Variants in TMEM132D observed in about 807,000 individuals in gnomAD.
TMEM132D encodes the protein mature OL transmembrane protein.
In TMEM132D, 21 loss-of-function variants were observed where a neutral mutation model predicts 62.3. That is an observed-to-expected ratio of 0.34 (90% CI 0.24 to 0.49). The LOEUF (loss-of-function observed/expected upper bound fraction) is 0.49. Ranked by LOEUF, TMEM132D falls within the 20% of genes least tolerant of loss-of-function variation. TMEM132D has a pLI of 0.99. For missense variants in TMEM132D, 1,346 were observed against 1,402.8 expected (o/e 0.96, Z 0.65); for synonymous variants, 621 against 575.6 (o/e 1.08, Z -1.13).
At chr12:129,750,358 T>G (rs927486754) in intron 1 of TMEM132D, among the ~76,000 whole-genome samples, 5 of 152,184 alleles carry the variant, frequency 3.3e-5, no homozygotes, top group African/African-American at 4.8e-5. Context: ...GTGCTGGGAT[T>G]ACAGGCGTGA....
intron 5 of TMEM132D, among the ~76,000 whole-genome samples, chr12:129,157,235 A>C (rs1473180285): frequency 6.6e-6 from 1 of 152,266 alleles, no homozygotes; most frequent in Non-Finnish European, 1.5e-5. Flanking sequence ...TAATGGCATT[A>C]GTCCACTTGT....
At chr12:129,836,993 A>T (rs1566003046) in intron 1 of TMEM132D, among the ~76,000 whole-genome samples, 1 of 152,186 alleles carries the variant, frequency 6.6e-6, no homozygotes. Flanking sequence ...ATGAAAAAGA[A>T]ATCTATTCTT....
chr12:129,322,495 A>G (rs1868754272), intron 4 of TMEM132D, among the ~76,000 whole-genome samples: 1 of 152,038 alleles, frequency 6.6e-6, no homozygotes, highest in Non-Finnish European at 1.5e-5. Flanking sequence ...CCAGACACTT[A>G]ATAAAGAAGA....
chr12:129,812,283 G>C (rs954762884), intron 1 of TMEM132D, among the ~76,000 whole-genome samples: 19 of 151,508 alleles, frequency 1.3e-4, no homozygotes, highest in African/African-American at 4.6e-4. Flanking sequence ...TCTGACAGTG[G>C]TGTTTTCACC....
chr12:129,755,322 C>A (rs1413801198), intron 1 of TMEM132D, among the ~76,000 whole-genome samples: 2 of 152,222 alleles, frequency 1.3e-5, no homozygotes, highest in Non-Finnish European at 2.9e-5. Context: ...GAATAAGGTG[C>A]ATAAAATCTT....
At chr12:129,420,320 T>G (rs1180572360) in intron 3 of TMEM132D, among the ~76,000 whole-genome samples, 1 of 147,264 alleles carries the variant, frequency 6.8e-6, no homozygotes, top group East Asian at 2.1e-4. Flanking sequence ...TTTTTTTTTT[T>G]TTTTTTTTTT....
intron 1 of TMEM132D, among the ~76,000 whole-genome samples, chr12:129,817,200 C>G (rs1457932617): frequency 6.6e-6 from 1 of 152,176 alleles, no homozygotes; most frequent in Non-Finnish European, 1.5e-5. Flanking sequence ...TTAATATATG[C>G]AAGCATTCAT....
chr12:129,166,038 G>A (rs1877536629), intron 5 of TMEM132D, among the ~76,000 whole-genome samples: 1 of 152,160 alleles, frequency 6.6e-6, no homozygotes, highest in African/African-American at 2.4e-5. Flanking sequence ...TGTTTTGTGG[G>A]TGATGAAAGT....
chr12:129,660,364 C>T lies in TMEM132D; in HGVS notation c.968+39446G>A, dbSNP rs547986160. On this transcript the variant is annotated intron_variant, in intron 2 of 8. Coordinates refer to ENST00000422113, the MANE Select transcript of TMEM132D (RefSeq NM_133448.3). Reference sequence around the variant, plus strand: ...ATGATGCAGCGTTCTTACCATCACCCCTAACACAGCCTCTTCCTTTCTCCT... The same window carrying T: ...ATGATGCAGCGTTCTTACCATCACCTCTAACACAGCCTCTTCCTTTCTCCT... Among the ~76,000 whole-genome samples the T allele has an allele frequency of 5.9e-5, 9 of 152,152 alleles. No homozygotes were observed. In the South Asian group the frequency reaches 1.7e-3, roughly 28 times the overall value.
At chr12:129,506,607 G>T (rs1409187858) in intron 3 of TMEM132D, among the ~76,000 whole-genome samples, 2 of 152,152 alleles carry the variant, frequency 1.3e-5, no homozygotes, top group African/African-American at 4.8e-5. Flanking sequence ...ATAAAGTGGG[G>T]AAAGGATACC....
intron 3 of TMEM132D, among the ~76,000 whole-genome samples, chr12:129,467,731 C>A (rs1009147477): frequency 1.3e-5 from 2 of 152,140 alleles, no homozygotes; most frequent in East Asian, 3.9e-4. Context: ...GCAGAATGAC[C>A]TGTTCTGTGC....
intron 2 of TMEM132D, among the ~76,000 whole-genome samples, chr12:129,585,309 G>C (rs1242211486): frequency 6.6e-6 from 1 of 152,174 alleles, no homozygotes; most frequent in Non-Finnish European, 1.5e-5. Flanking sequence ...ATTCTACATA[G>C]CAGGGATGAG....
At chr12:129,347,541 C>A (rs1321217532) in intron 3 of TMEM132D, among the ~76,000 whole-genome samples, 1 of 152,124 alleles carries the variant, frequency 6.6e-6, no homozygotes, top group African/African-American at 2.4e-5. Context: ...TTCCTTTATA[C>A]CTTATACAAA....
At chr12:129,220,622 C>T (rs1425192421) in intron 4 of TMEM132D, among the ~76,000 whole-genome samples, 1 of 152,124 alleles carries the variant, frequency 6.6e-6, no homozygotes, top group African/African-American at 2.4e-5. Context: ...TCATGTTCTG[C>T]TAAGTCTATT....
intron 4 of TMEM132D, among the ~76,000 whole-genome samples, chr12:129,311,384 T>C (rs1172694387): frequency 6.6e-6 from 1 of 152,164 alleles, no homozygotes; most frequent in Non-Finnish European, 1.5e-5. Context: ...TAAGGACATA[T>C]TACCTATGAA....
At chr12:129,226,146 G>T (rs571798468) in intron 4 of TMEM132D, among the ~76,000 whole-genome samples, 1 of 152,324 alleles carries the variant, frequency 6.6e-6, no homozygotes, top group East Asian at 1.9e-4. Context: ...CTTCTTTCTG[G>T]AATGGGACTT....
intron 2 of TMEM132D, among the ~76,000 whole-genome samples, chr12:129,575,182 C>T (rs1241275795): frequency 1.3e-5 from 2 of 151,856 alleles, no homozygotes; most frequent in Non-Finnish European, 2.9e-5. Flanking sequence ...CTCTAGCTTA[C>T]TTGATTCTAA....
At chr12:129,321,051 A>G (rs34076576) in intron 4 of TMEM132D, among the ~76,000 whole-genome samples, 23,404 of 151,864 alleles carry the variant, frequency 0.15, 2,526 homozygotes, top group Non-Finnish European at 0.23. Flanking sequence ...CTTTTTCTCT[A>G]TCATCTATAT....
At chr12:129,628,169 A>G (rs1363444703) in intron 2 of TMEM132D, among the ~76,000 whole-genome samples, 1 of 152,238 alleles carries the variant, frequency 6.6e-6, no homozygotes, top group Non-Finnish European at 1.5e-5. Flanking sequence ...TTAAGTAATG[A>G]ATATTTAACA....
Sources: allele counts gnomAD v4.1 joint callset (sites outside exome capture counted in the v4.1 genomes callset), GRCh38; gene constraint gnomAD v4.1.1; transcripts MANE v1.5; gene names NCBI Gene and HGNC (gene_info 2026-07-23, HGNC 2026-07-21).